Variants in ADAMTS3 observed in about 807,000 individuals in gnomAD.
ADAMTS3 encodes A disintegrin and metalloproteinase with thrombospondin motifs 3.
In ADAMTS3, 73 loss-of-function variants were observed where a neutral mutation model predicts 129.0. The observed-to-expected ratio is 0.57, with a 90% CI of 0.47 to 0.69. The LOEUF (loss-of-function observed/expected upper bound fraction) is 0.69, where lower values mean the gene tolerates loss of function less well. Among genes scored for constraint, ADAMTS3 ranks in the 30% least tolerant of loss-of-function variants. The pLI is 0.00. For missense variants in ADAMTS3, 1,457 were observed against 1,514.5 expected, an observed-to-expected ratio of 0.96 and a Z score of 0.63; for synonymous variants, 477 against 510.8, an observed-to-expected ratio of 0.93 and a Z score of 0.89.
intron 4 of ADAMTS3, among the ~76,000 whole-genome samples, chr4:72,375,277 A>G (rs1721107931): frequency 6.6e-6 from 1 of 152,112 alleles, no homozygotes; most frequent in Admixed American, 6.6e-5. Flanking sequence ...ACTTTACCAC[A>G]AGGAATTGCC....
chr4:72,370,727 G>A (rs1720984810), intron 4 of ADAMTS3, among the ~76,000 whole-genome samples: 1 of 152,112 alleles, frequency 6.6e-6, no homozygotes, highest in African/African-American at 2.4e-5. Context: ...TCCATCCTGG[G>A]TGACAGAGTG....
intron 3 of ADAMTS3, among the ~76,000 whole-genome samples, chr4:72,442,447 C>T (rs191932111): frequency 2.1e-4 from 32 of 151,680 alleles, no homozygotes; most frequent in East Asian, 1.8e-3. Context: ...CATGGCAAGA[C>T]GGAGGAAGCA....
chr4:72,296,917 T>C (rs1399376859), intron 18 of ADAMTS3, among the ~76,000 whole-genome samples: 1 of 152,108 alleles, frequency 6.6e-6, no homozygotes, highest in African/African-American at 2.4e-5. Context: ...CGGCATTTAC[T>C]AGTTTTGAAA....
intron 20 of ADAMTS3, among the ~76,000 whole-genome samples, chr4:72,290,361 G>A (rs760644984): frequency 7.2e-5 from 11 of 152,294 alleles, no homozygotes; most frequent in East Asian, 3.9e-4. Context: ...TTTGGACTAC[G>A]GAGATGAGGT....
At position 72,315,694 on chromosome 4, in the gene ADAMTS3, C is replaced by T. The variant is rs138832985; in HGVS notation, c.1599+164G>A. On this transcript the variant is annotated intron_variant, in intron 11 of 21. Transcript: ENST00000286657. ...TTGTGAAAATTTGTTACCTTAGCCA[C>T]AGGGAACTAGTACACTATTTTAGTA... Among the ~76,000 whole-genome samples, 233 of 152,302 alleles carry T rather than the reference C, an allele frequency of 1.5e-3. 2 individuals carry two copies. The highest frequency in any genetic ancestry group is 5.4e-3 in the African/African-American group (225 of 41,576).
intron 3 of ADAMTS3, among the ~76,000 whole-genome samples, chr4:72,474,954 G>A (rs1208809759): frequency 6.6e-6 from 1 of 150,936 alleles, no homozygotes; most frequent in African/African-American, 2.4e-5. Context: ...GTGAACCCGG[G>A]AGGCGGAGCT....
intron 2 of ADAMTS3, among the ~76,000 whole-genome samples, chr4:72,550,004 G>T: frequency 2.4e-4 from 1 of 4,138 alleles, no homozygotes; most frequent in Admixed American, 1.4e-3. Flanking sequence ...GGAAGAGGAA[G>T]AAGAAGAAGA....
At chr4:72,467,501 A>G (rs142750142) in intron 3 of ADAMTS3, among the ~76,000 whole-genome samples, 1 of 152,152 alleles carries the variant, frequency 6.6e-6, no homozygotes, top group Non-Finnish European at 1.5e-5. Context: ...TTTTGATCCC[A>G]TCTTGTATCT....
chr4:72,364,225 CAAAG>C (rs1042088163), intron 4 of ADAMTS3, among the ~76,000 whole-genome samples: 3 of 150,320 alleles, frequency 2.0e-5, no homozygotes, highest in African/African-American at 4.9e-5. Context: ...CACAAACACA[CAAAG>C]AGAGAAAAAA....
intron 3 of ADAMTS3, among the ~76,000 whole-genome samples, chr4:72,546,848 A>T (rs1260565949): frequency 6.6e-6 from 1 of 152,132 alleles, no homozygotes; most frequent in Admixed American, 6.6e-5. Context: ...TCTTCCCAAG[A>T]AGTGTGTAAA....
rs536147857 is a variant in ADAMTS3, at chr4:72,542,544, T to C, written c.504+5934A>G. On this transcript the variant is annotated intron_variant, in intron 3 of 21. Coordinates refer to ENST00000286657, the MANE Select transcript of ADAMTS3 (RefSeq NM_014243.3). The stretch of plus-strand genomic sequence containing the variant: ...TAGTTTAACAATAAATTGTGTTCTG[T>C]TCTACCTGTATACCATTCTGGACCA... Among the ~76,000 whole-genome samples, 4 of 152,342 alleles carry C rather than the reference T, an allele frequency of 2.6e-5. No individual in the cohort carries two copies. In the East Asian group the frequency reaches 7.7e-4, roughly 29 times the overall value.
At chr4:72,491,976 G>A (rs1156482957) in intron 3 of ADAMTS3, among the ~76,000 whole-genome samples, 1 of 151,372 alleles carries the variant, frequency 6.6e-6, no homozygotes, top group African/African-American at 2.4e-5. Flanking sequence ...GTTTCTTCCC[G>A]ACACAATTTT....
At chr4:72,346,049 T>C (rs779438844) in intron 4 of ADAMTS3, among the ~76,000 whole-genome samples, 4 of 152,150 alleles carry the variant, frequency 2.6e-5, no homozygotes, top group Non-Finnish European at 4.4e-5. Context: ...GTTCTTTTCA[T>C]CTTTCCATAT....
At position 72,281,744 on chromosome 4, in the gene ADAMTS3, A is replaced by T. The variant is rs1408287269; in HGVS notation, c.*1392T>A. 1 of 152,192 alleles carries T rather than the reference A, an allele frequency of 6.6e-6. No individual in the cohort carries two copies. The highest frequency in any genetic ancestry group is 2.4e-5 in the African/African-American group (1 of 41,460). The allele number at this position is 152,192 out of a possible 1,614,324, so 9.4% of individuals were successfully genotyped here. A position where few individuals can be genotyped will look rare whatever the true frequency, so the allele number is the denominator to read the frequency against. On this transcript the variant is annotated 3_prime_UTR_variant, in exon 22 of 22. Coordinates refer to ENST00000286657, the MANE Select transcript of ADAMTS3 (RefSeq NM_014243.3). Reference sequence around the variant, plus strand: ...CAGAACAAAGCATGCATCTCTAATTATGTCTCTCTAGTTTACCAAAATATG... The same window carrying T: ...CAGAACAAAGCATGCATCTCTAATTTTGTCTCTCTAGTTTACCAAAATATG...
intron 3 of ADAMTS3, among the ~76,000 whole-genome samples, chr4:72,486,212 A>G (rs1167569395): frequency 6.6e-6 from 1 of 152,230 alleles, no homozygotes; most frequent in African/African-American, 2.4e-5. Flanking sequence ...TAAGATCTAC[A>G]TAAATCAATT....
intron 3 of ADAMTS3, among the ~76,000 whole-genome samples, chr4:72,519,916 G>A (rs1578756674): frequency 6.6e-6 from 1 of 152,290 alleles, no homozygotes; most frequent in South Asian, 2.1e-4. Flanking sequence ...GAGGCACTCT[G>A]CTTTTTAGAG....
chr4:72,530,063 T>TATATTATATTTATATATA (rs1560553567), intron 3 of ADAMTS3, among the ~76,000 whole-genome samples: 1,051 of 1,594 alleles, frequency 0.66, 468 homozygotes, highest in East Asian at 0.8. Flanking sequence ...TATAATATGT[T>TATATTATATTTATATATA]ATATATAACA....
intron 4 of ADAMTS3, among the ~76,000 whole-genome samples, chr4:72,363,543 T>C (rs753708303): frequency 6.6e-6 from 1 of 152,110 alleles, no homozygotes; most frequent in African/African-American, 2.4e-5. Flanking sequence ...ATTTTAAAAT[T>C]TATGTGTAAA....
chr4:72,378,010 T>G (rs1721179102), intron 4 of ADAMTS3, among the ~76,000 whole-genome samples: 1 of 152,180 alleles, frequency 6.6e-6, no homozygotes, highest in Non-Finnish European at 1.5e-5. Flanking sequence ...AAAGCATGCT[T>G]AGAATTATAA....
Sources: gnomAD v4.1 joint callset for allele counts (sites outside exome capture counted in the v4.1 genomes callset) on GRCh38, gnomAD v4.1.1 for gene constraint, MANE v1.5 for transcripts, NCBI Gene and HGNC (gene_info 2026-07-23, HGNC 2026-07-21) for gene names.